UNC79: variants seen among roughly 807,000 people sequenced by gnomAD.
UNC79 encodes protein unc-79 homolog.
A neutral mutation model predicts 283.1 loss-of-function variants in UNC79; 37 were observed. The ratio of observed to expected loss-of-function variants is 0.13; its 90% confidence interval spans 0.10 to 0.17. UNC79 has a LOEUF of 0.17. Ranked by LOEUF, UNC79 falls within the 10% of genes least tolerant of loss-of-function variation. The probability of loss-of-function intolerance (pLI) is 1.00; values close to 1 mark genes in which losing one functional copy is unlikely to be tolerated. For synonymous variants in UNC79, 1,107 were observed against 1,200.2 expected (o/e 0.92, Z 1.61); for missense variants, 2,272 against 3,211.1 (o/e 0.71, Z 7.07).
intron 14 of UNC79, among the ~76,000 whole-genome samples, chr14:93,564,235 A>C (rs933852635): frequency 1.3e-5 from 2 of 152,198 alleles, no homozygotes; most frequent in Non-Finnish European, 2.9e-5. Context: ...GAAAGGATTT[A>C]GGATCTATGG....
At chr14:93,498,804 A>C (rs1313879380) in intron 7 of UNC79, among the ~76,000 whole-genome samples, 1 of 152,106 alleles carries the variant, frequency 6.6e-6, no homozygotes, top group East Asian at 1.9e-4. Flanking sequence ...CAAAGAAGAA[A>C]CCTATGGCTA....
At chr14:93,686,473 A>G in intron 42 of UNC79, 99 bp from the exon 46 acceptor site, 1 of 1,294,858 alleles carries the variant, frequency 7.7e-7, no homozygotes, top group South Asian at 1.3e-5. Context: ...TCCAGAAAGT[A>G]AAACGACTCC....
Position 93,643,540 on chromosome 14 carries a change from C to G in UNC79, c.5904-17C>G. 3.1e-6 allele frequency: 5 copies of G among 1,613,724 alleles called. No homozygotes were observed. The highest frequency in any genetic ancestry group is 1.7e-6 in the Non-Finnish European group (2 of 1,180,022). ...GTTCTTTCTTTCATGGAAAGCATGT[C>G]TCTCTTTTCTTTGCAGATGCCATGA... On this transcript the variant is annotated splice_polypyrimidine_tract_variant and intron_variant, in intron 33 of 48. Transcript: ENST00000555664.
chr14:93,548,924 A>G (rs184485740), intron 14 of UNC79, among the ~76,000 whole-genome samples: 32 of 152,330 alleles, frequency 2.1e-4, no homozygotes, highest in Admixed American at 1.9e-3. Flanking sequence ...TGCCTATTGT[A>G]TATCAGCATT....
At chr14:93,646,392 A>G (rs948531830) in intron 34 of UNC79, among the ~76,000 whole-genome samples, 17 of 152,164 alleles carry the variant, frequency 1.1e-4, no homozygotes, top group African/African-American at 3.9e-4. Context: ...TTTCCATGAA[A>G]ATGTCTAACT....
chr14:93,616,146 A>G (rs953700516), intron 27 of UNC79, among the ~76,000 whole-genome samples: 1 of 152,098 alleles, frequency 6.6e-6, no homozygotes, highest in Non-Finnish European at 1.5e-5. Context: ...CATATTCTGT[A>G]TAGTGGCTAC....
intron 26 of UNC79, 38 bp downstream of exon 26, chr14:93,603,456 T>C (rs374427658): frequency 3.7e-6 from 6 of 1,600,720 alleles, no homozygotes; most frequent in Non-Finnish European, 4.3e-6. Flanking sequence ...TAAATCTGTT[T>C]AATGTCTTTC....
chr14:93,615,247 G>A (rs939070538), intron 27 of UNC79, among the ~76,000 whole-genome samples: 6 of 152,170 alleles, frequency 3.9e-5, no homozygotes, highest in African/African-American at 1.4e-4. Context: ...CAAATAGATT[G>A]TAACATAATG....
At chr14:93,660,740 A>G (rs541084375) in intron 39 of UNC79, among the ~76,000 whole-genome samples, 11 of 150,812 alleles carry the variant, frequency 7.3e-5, no homozygotes, top group Admixed American at 3.3e-4. Flanking sequence ...ACAGGCATGC[A>G]CCATACACCT....
At chr14:93,654,109 A>C in intron 37 of UNC79, 84 bp downstream of exon 40, 1 of 1,054,162 alleles carries the variant, frequency 9.5e-7, no homozygotes, top group South Asian at 1.4e-5. Context: ...TTTGAGTCAC[A>C]CCATAGGATA....
At chr14:93,554,782 C>G (rs1460141771) in intron 14 of UNC79, among the ~76,000 whole-genome samples, 1 of 152,156 alleles carries the variant, frequency 6.6e-6, no homozygotes, top group Non-Finnish European at 1.5e-5. Flanking sequence ...TCTTTTAACC[C>G]AAAACAATCC....
chr14:93,649,612 A>G (rs889847116), intron 35 of UNC79, among the ~76,000 whole-genome samples: 81 of 152,330 alleles, frequency 5.3e-4, no homozygotes, highest in Non-Finnish European at 5.6e-4. Flanking sequence ...AATAAAAATT[A>G]TATCTATTTA....
intron 1 of UNC79, among the ~76,000 whole-genome samples, chr14:93,435,065 T>C (rs2056031961): frequency 6.6e-6 from 1 of 152,198 alleles, no homozygotes; most frequent in Admixed American, 6.5e-5. Context: ...GTTTTCTTTA[T>C]TTTTTGCACA....
chr14:93,532,407 C>A, intron 10 of UNC79, 143 bp from the exon 11 acceptor site: 1 of 901,024 alleles, frequency 1.1e-6, no homozygotes, highest in Non-Finnish European at 1.6e-6. Flanking sequence ...GTTCAAGAGG[C>A]TGTGGTGGGC....
intron 10 of UNC79, 112 bp downstream of exon 10, chr14:93,529,438 A>G (rs2141036723): frequency 8.7e-7 from 1 of 1,146,248 alleles, no homozygotes; most frequent in Non-Finnish European, 1.2e-6. Context: ...AAAGTATTGT[A>G]TTGTATGAAT....
Position 93,499,516 on chromosome 14 carries a change from C to T in UNC79, c.898+2230C>T, listed in dbSNP as rs1402540620. Among the ~76,000 whole-genome samples the T allele has an allele frequency of 2.0e-5, 3 of 152,156 alleles. No homozygotes were observed. The East Asian group carries it at 5.8e-4, about 29-fold the overall frequency. On this transcript the variant is annotated intron_variant, in intron 7 of 48. Coordinates refer to ENST00000555664, the Ensembl canonical transcript of UNC79. ...ACAAAACCAGGTCTCAGGGAACTTACTACAATCTAGACATGGAAATCCATT... is the reference window on the plus strand; with the variant it reads ...ACAAAACCAGGTCTCAGGGAACTTATTACAATCTAGACATGGAAATCCATT...
At chr14:93,350,229 G>A (rs1282296213) in intron 1 of UNC79, among the ~76,000 whole-genome samples, 3 of 151,892 alleles carry the variant, frequency 2.0e-5, no homozygotes, top group South Asian at 4.1e-4. Flanking sequence ...TCTAAAAGTT[G>A]TGTTCTTGAG....
intron 35 of UNC79, among the ~76,000 whole-genome samples, chr14:93,650,635 G>T (rs1213254738): frequency 6.6e-6 from 1 of 152,082 alleles, no homozygotes; most frequent in Non-Finnish European, 1.5e-5. Flanking sequence ...TTTTAATTGG[G>T]TTGTTGTCTT....
At chr14:93,488,844 A>C (rs554660974) in intron 5 of UNC79, among the ~76,000 whole-genome samples, 10 of 152,174 alleles carry the variant, frequency 6.6e-5, no homozygotes, top group African/African-American at 2.2e-4. Context: ...TAAAGGCAGT[A>C]ATCTCATACA....
Sources: gnomAD v4.1 joint callset for allele counts (sites outside exome capture counted in the v4.1 genomes callset) on GRCh38, gnomAD v4.1.1 for gene constraint, MANE v1.5 for transcripts, NCBI Gene and HGNC (gene_info 2026-07-23, HGNC 2026-07-21) for gene names.